NAA40: variants seen among roughly 807,000 people sequenced by gnomAD.
NAA40 encodes N-alpha-acetyltransferase 40.
NAA40 carries 26 observed loss-of-function variants against 36.6 expected under a neutral mutation model. That is an observed-to-expected ratio of 0.71 (90% CI 0.52 to 0.98). The LOEUF (loss-of-function observed/expected upper bound fraction) is 0.98, where lower values mean the gene tolerates loss of function less well. Ranked by LOEUF, NAA40 falls within the 50% of genes least tolerant of loss-of-function variation. NAA40 has a pLI of 0.00. For missense variants in NAA40, 237 were observed against 306.5 expected (o/e 0.77, Z 1.69); for synonymous variants, 129 against 108.4 (o/e 1.19, Z -1.18).
At chr11:63,944,918 AG>A (rs1942162341) in intron 1 of NAA40, among the ~76,000 whole-genome samples, 4 of 150,046 alleles carry the variant, frequency 2.7e-5, no homozygotes, top group Admixed American at 6.6e-5. Flanking sequence ...AAAAAAAAAA[AG>A]AAGAGAAAAA....
chr11:63,947,406 T>TCAAAACAAAA (rs141435308), intron 3 of NAA40, among the ~76,000 whole-genome samples: 10 of 150,628 alleles, frequency 6.6e-5, no homozygotes, highest in African/African-American at 2.2e-4. Flanking sequence ...AAACTCCATC[T>TCAAAACAAAA]CAAAACAAAA....
At chr11:63,944,034 C>T (rs2134268511) in intron 1 of NAA40, among the ~76,000 whole-genome samples, 1 of 152,290 alleles carries the variant, frequency 6.6e-6, no homozygotes, top group South Asian at 2.1e-4. Flanking sequence ...TTCCACAGCG[C>T]TCAGCCATGA....
rs1278673521 is a variant in NAA40, at chr11:63,957,212, A to ATATATATATATATATTTT, written c.*2734_*2735insATATATATATATATTTTT. The ATATATATATATATATTTT allele has an allele frequency of 1.6e-5, 1 of 64,300 alleles. No homozygotes were observed. The highest frequency in any genetic ancestry group is 4.2e-5 in the African/African-American group (1 of 23,942). 4.0% of individuals were successfully genotyped at this position (64,300 alleles called of 1,614,324 possible). A position where few individuals can be genotyped will look rare whatever the true frequency, so the allele number is the denominator to read the frequency against. On this transcript the variant is annotated 3_prime_UTR_variant, in exon 8 of 8. Transcript: ENST00000377793. Reference sequence around the variant, plus strand: ...CCTTGATATATATATATATATATATATTTTTTTTTTTCTTTAGCAGCTTGT... The same window carrying ATATATATATATATATTTT: ...CCTTGATATATATATATATATATATATATATATATATATATTTTTTTTTTTTTTTCTTTAGCAGCTTGT...
At chr11:63,951,365 CAG>C (rs564799352) in intron 3 of NAA40, among the ~76,000 whole-genome samples, 8 of 152,138 alleles carry the variant, frequency 5.3e-5, no homozygotes, top group Admixed American at 1.3e-4. Flanking sequence ...TGTTTGGAGA[CAG>C]AGTTTCGCTC....
chr11:63,942,764 C>G (rs565851454), intron 1 of NAA40, among the ~76,000 whole-genome samples: 1 of 152,374 alleles, frequency 6.6e-6, no homozygotes, highest in South Asian at 2.1e-4. Flanking sequence ...GCTGGCTGCA[C>G]CCTGCCTTCT....
In NAA40 at chr11:63,952,304, C is replaced by T. The variant is rs780832347; in HGVS notation, c.222C>T (p.Phe74=). The T allele has an allele frequency of 3.1e-6, 5 of 1,613,740 alleles. No homozygotes were observed. Among genetic ancestry groups the T allele is most frequent in the Admixed American group, 3.3e-5 (2 of 59,972 alleles). Reference sequence around the variant, plus strand: ...AGCCAGCCACCGTGGATTGGGCCTTCGACCTGACCAAAACGAATATGCAAA... The same window carrying T: ...AGCCAGCCACCGTGGATTGGGCCTTTGACCTGACCAAAACGAATATGCAAA... The part of the protein sequence containing the change: ...GLEPATVDWA[F]DLTKTNMQTM... The change falls in exon 4 of 8, where the codon TTC becomes TTT. Residue 74 remains phenylalanine, a synonymous_variant. Transcript: ENST00000377793.
At position 63,939,066 on chromosome 11, in the gene NAA40, G is replaced by A. The variant is rs201092187; in HGVS notation, c.-31G>A. On this transcript the variant is annotated 5_prime_UTR_variant, in exon 1 of 8. Coordinates refer to ENST00000377793, the MANE Select transcript of NAA40 (RefSeq NM_024771.4). Reference sequence around the variant, plus strand: ...GCCGCCTCCCTGCCGGCAAGTGTGTGAAGAAGAAGCTGAGCGTTGTCGCCG... The same window carrying A: ...GCCGCCTCCCTGCCGGCAAGTGTGTAAAGAAGAAGCTGAGCGTTGTCGCCG... 6.9e-6 allele frequency: 11 copies of A among 1,603,004 alleles called. No individual in the cohort carries two copies. The highest frequency in any genetic ancestry group is 1.7e-4 in the Middle Eastern group (1 of 5,972).
chr11:63,945,816 T>C, intron 1 of NAA40, 24 bp from the exon 2 acceptor site: 1 of 1,603,396 alleles, frequency 6.2e-7, no homozygotes, highest in Non-Finnish European at 8.5e-7. Context: ...CCATTCCAGC[T>C]AACGTTGCTT....
rs572729140 is a variant in NAA40 at position 63,954,663 on chromosome 11, C to A, written c.*184C>A. 2.5e-4 allele frequency: 132 copies of A among 534,888 alleles called. 1 individual carries two copies. Among genetic ancestry groups the A allele is most frequent in the African/African-American group, 2.4e-3 (123 of 50,698 alleles). The allele number at this position is 534,888 out of a possible 1,614,324, so 33.1% of individuals were successfully genotyped here. ...CAGCTGCTCCTCCTCTCCTAGGAGA[C>A]CAGAGTGCTAGAAGGGAATGAAAGG... On this transcript the variant is annotated 3_prime_UTR_variant, in exon 8 of 8. Coordinates refer to ENST00000377793, the MANE Select transcript of NAA40 (RefSeq NM_024771.4).
intron 1 of NAA40, among the ~76,000 whole-genome samples, chr11:63,940,040 CTTTTTTTTTTTTTTTT>C (rs10618202): frequency 1.3e-5 from 1 of 77,754 alleles, no homozygotes; most frequent in Admixed American, 1.8e-4. Context: ...TGGCTGTATT[CTTTTTTTTTTTTTTTT>C]TTTTTTTTTT....
At chr11:63,947,338 C>T (rs1365911674) in intron 3 of NAA40, among the ~76,000 whole-genome samples, 1 of 151,828 alleles carries the variant, frequency 6.6e-6, no homozygotes, top group Non-Finnish European at 1.5e-5. Context: ...ACCCGGGGGG[C>T]AGAGGTTGCA....
intron 1 of NAA40, among the ~76,000 whole-genome samples, chr11:63,944,962 G>A (rs1259046672): frequency 2.6e-5 from 4 of 151,762 alleles, no homozygotes; most frequent in African/African-American, 9.7e-5. Context: ...CCAGGTGTCA[G>A]AGCCTGGCTC....
At chr11:63,945,992 T>C in intron 2 of NAA40, 57 bp downstream of exon 2, 2 of 1,487,342 alleles carry the variant, frequency 1.3e-6, no homozygotes, top group East Asian at 4.5e-5. Context: ...TGGTTTATAA[T>C]TTGACTTATT....
At chr11:63,949,374 G>A (rs1251534132) in intron 3 of NAA40, among the ~76,000 whole-genome samples, 1 of 151,994 alleles carries the variant, frequency 6.6e-6, no homozygotes. Flanking sequence ...TGTAGTGGTG[G>A]GGTTGGGCAT....
At chr11:63,943,203 A>C (rs995511827) in intron 1 of NAA40, among the ~76,000 whole-genome samples, 1 of 152,064 alleles carries the variant, frequency 6.6e-6, no homozygotes, top group African/African-American at 2.4e-5. Flanking sequence ...GGTGTCAGGA[A>C]GAGCATAGGC....
rs140395256 is a variant in NAA40 at position 63,954,044 on chromosome 11, G to A, written c.567G>A (p.Ala189=). ...GTGCCTACCAGTTCTTCAGAGAAGC[G>A]TTGCAGTAAGGAGCTGGGTGTGGGC... ...NHGAYQFFRE[A]LQFEIDDSSP... is the part of the protein sequence containing the mutation. The change falls in exon 7 of 8, where the codon GCG becomes GCA. Residue 189 remains alanine, a synonymous_variant. Transcript: ENST00000377793. The A allele has an allele frequency of 8.7e-6, 14 of 1,614,110 alleles. No homozygotes were observed. The highest frequency in any genetic ancestry group is 2.2e-5 in the South Asian group (2 of 91,074).
intron 1 of NAA40, among the ~76,000 whole-genome samples, chr11:63,940,040 C>CTTTTTTTTTTTTTTTTTT: frequency 1.3e-5 from 1 of 77,754 alleles, no homozygotes; most frequent in Non-Finnish European, 2.4e-5. Context: ...TGGCTGTATT[C>CTTTTTTTTTTTTTTTTTT]TTTTTTTTTT....
At chr11:63,948,388 C>G (rs1163372799) in intron 3 of NAA40, among the ~76,000 whole-genome samples, 2 of 152,042 alleles carry the variant, frequency 1.3e-5, no homozygotes, top group Non-Finnish European at 2.9e-5. Context: ...CAATTCCTGG[C>G]TATTTGGCCC....
chr11:63,939,384 A>C (rs1590747160), intron 1 of NAA40: 93 of 1,142,646 alleles, frequency 8.1e-5, no homozygotes, highest in East Asian at 7.8e-4. Flanking sequence ...CCTCCCCACC[A>C]CCGTCCCCCG....
Sources: allele counts gnomAD v4.1 joint callset (sites outside exome capture counted in the v4.1 genomes callset), GRCh38; gene constraint gnomAD v4.1.1; transcripts MANE v1.5; gene names NCBI Gene and HGNC (gene_info 2026-07-23, HGNC 2026-07-21).